SH3YL1: variants seen among roughly 807,000 people sequenced by gnomAD.
The protein encoded by SH3YL1 is SH3 domain-containing YSC84-like protein 1.
A neutral mutation model predicts 45.8 loss-of-function variants in SH3YL1; 41 were observed. The ratio of observed to expected loss-of-function variants is 0.89; its 90% CI spans 0.70 to 1.16. The LOEUF is 1.16. SH3YL1 is among the 50% of genes most tolerant of loss of function. The probability of loss-of-function intolerance (pLI) is 0.00; values close to 1 mark genes in which losing one functional copy is unlikely to be tolerated. For synonymous variants in SH3YL1, 152 were observed against 151.4 expected, an observed-to-expected ratio of 1.00 and a Z score of -0.03; for missense variants, 389 against 409.6, an observed-to-expected ratio of 0.95 and a Z score of 0.43.
At chr2:246,126 T>C (rs916201345) in intron 4 of SH3YL1, among the ~76,000 whole-genome samples, 1 of 149,874 alleles carries the variant, frequency 6.7e-6, no homozygotes, top group African/African-American at 2.5e-5. Flanking sequence ...AACTGGGAGG[T>C]GGAGGTTGCA....
chr2:227,242 T>C (rs1558234598), intron 8 of SH3YL1, among the ~76,000 whole-genome samples: 1 of 152,096 alleles, frequency 6.6e-6, no homozygotes, highest in African/African-American at 2.4e-5. Context: ...AGTAAAAACT[T>C]TTGAAAAGTA....
At chr2:249,624 G>T in intron 3 of SH3YL1, 107 bp downstream of exon 3, 1 of 790,938 alleles carries the variant, frequency 1.3e-6, no homozygotes, top group Non-Finnish European at 2.1e-6. Flanking sequence ...ATAAGTTTTA[G>T]TTGATATGCA....
At chr2:251,104 A>G (rs1355614673) in intron 2 of SH3YL1, among the ~76,000 whole-genome samples, 2 of 152,318 alleles carry the variant, frequency 1.3e-5, no homozygotes, top group Admixed American at 6.5e-5. Flanking sequence ...CATATTCCAC[A>G]TGTCAATTAT....
rs1334799920 is a variant in SH3YL1, at chr2:231,102, T to A, written c.623A>T (p.Asp208Val). ...ATTTTCATACTTTTCAGTAAAGGAA[T>A]CAAGAATTTCATAAAGATCTTCGGC... ...AQAEDLYEIL[D>V]SFTEKYENEG... The change falls in exon 7 of 10, where the codon GAT (aspartate) becomes GTT (valine). Residue 208 changes from aspartate (D) to valine (V), a missense_variant. By Grantham distance (152) the Asp-to-Val change is radical. Coordinates refer to ENST00000356150, the MANE Select transcript of SH3YL1 (RefSeq NM_015677.4). 1 of 1,614,120 alleles carries A rather than the reference T, an allele frequency of 6.2e-7. No individual in the cohort carries two copies. The highest frequency in any genetic ancestry group is 8.5e-7 in the Non-Finnish European group (1 of 1,179,992).
chr2:218,410 C>T lies in SH3YL1; in HGVS notation c.*401G>A, dbSNP rs1667437712. 6.3e-6 allele frequency: 1 copy of T among 159,512 alleles called. No individual in the cohort carries two copies. Among genetic ancestry groups the T allele is most frequent in the African/African-American group, 2.4e-5 (1 of 41,692 alleles). 9.9% of individuals were successfully genotyped at this position (159,512 alleles called of 1,614,324 possible). ...CGACTCTAAACATTACTTAATACCT[C>T]ATTTAAGCTGATTTCTTTTTCTCTA... On this transcript the variant is annotated 3_prime_UTR_variant, in exon 10 of 10. Transcript: ENST00000356150.
intron 1 of SH3YL1, chr2:260,555 T>G (rs972397223): frequency 3.3e-5 from 5 of 152,170 alleles, no homozygotes; most frequent in African/African-American, 1.2e-4. Flanking sequence ...CTGTGGGATT[T>G]TTGTCTCCAC....
intron 9 of SH3YL1, among the ~76,000 whole-genome samples, chr2:220,828 CCAG>C (rs1181978496): frequency 6.6e-6 from 1 of 152,198 alleles, no homozygotes. Flanking sequence ...CTCTTGTCTC[CCAG>C]ACACGTTAGA....
intron 4 of SH3YL1, among the ~76,000 whole-genome samples, chr2:243,805 G>A (rs976132259): frequency 6.6e-6 from 1 of 152,026 alleles, no homozygotes; most frequent in African/African-American, 2.4e-5. Context: ...TGTGATCTTA[G>A]GTAAGACACT....
At position 233,109 on chromosome 2, in the gene SH3YL1, A is replaced by G; in HGVS notation, c.525T>C (p.Thr175=). The G allele has an allele frequency of 6.4e-7, 1 of 1,566,810 alleles. No homozygotes were observed. The highest frequency in any genetic ancestry group is 8.7e-7 in the Non-Finnish European group (1 of 1,155,620). Residue 175 remains threonine, a synonymous_variant, in exon 6 of 10, where the codon ACT becomes ACC. Coordinates refer to ENST00000356150, the MANE Select transcript of SH3YL1 (RefSeq NM_015677.4). ...EGSCLIERKE[T]NRKFYCQDIR... is the part of the protein sequence containing the mutation. ...CTTTAACTTGAACTGACTTTCTATT[A>G]GTTTCTTTCCTTTCAATCAAACAGC...
chr2:226,409 A>C (rs1428327368), intron 8 of SH3YL1, among the ~76,000 whole-genome samples: 2 of 152,236 alleles, frequency 1.3e-5, no homozygotes, highest in African/African-American at 2.4e-5. Context: ...GATAAGATTA[A>C]ATCCAAAACA....
At position 253,024 on chromosome 2, in the gene SH3YL1, T is replaced by A; in HGVS notation, c.93A>T (p.Gly31=). The change falls in exon 2 of 10, where the codon GGA becomes GGT. Residue 31 remains glycine, a synonymous_variant. Coordinates refer to ENST00000356150, the MANE Select transcript of SH3YL1 (RefSeq NM_015677.4). ...REFTEITSRN[G]PDKIIPAHVI... is the part of the protein sequence containing the mutation. Reference sequence around the variant, plus strand: ...ACCTACCAGGAATGATCTTATCAGGTCCATTTCTGGAAGTTATTTCTGTGA... The same window carrying A: ...ACCTACCAGGAATGATCTTATCAGGACCATTTCTGGAAGTTATTTCTGTGA... The A allele has an allele frequency of 6.5e-7, 1 of 1,543,358 alleles. No individual in the cohort carries two copies. The highest frequency in any genetic ancestry group is 1.2e-5 in the South Asian group (1 of 83,510).
At chr2:259,050 G>C (rs556854701) in intron 1 of SH3YL1, among the ~76,000 whole-genome samples, 1 of 152,264 alleles carries the variant, frequency 6.6e-6, no homozygotes, top group South Asian at 2.1e-4. Flanking sequence ...CCCCCTCCTT[G>C]TCCTGCAGTT....
chr2:250,804 C>T (rs1401543575), intron 2 of SH3YL1, among the ~76,000 whole-genome samples: 1 of 152,130 alleles, frequency 6.6e-6, no homozygotes, highest in African/African-American at 2.4e-5. Flanking sequence ...CATCCAACAC[C>T]ATGAAGTTTG....
At chr2:221,563 T>C (rs907663515) in intron 9 of SH3YL1, among the ~76,000 whole-genome samples, 7 of 151,960 alleles carry the variant, frequency 4.6e-5, no homozygotes, top group African/African-American at 7.3e-5. Flanking sequence ...GAGAGGAGGG[T>C]AGAGGAGCAA....
At chr2:260,100 C>T (rs543035667) in intron 1 of SH3YL1, 3 of 152,252 alleles carry the variant, frequency 2.0e-5, no homozygotes, top group East Asian at 3.9e-4. Context: ...CTACTGTCTG[C>T]ATTTTGATGT....
intron 1 of SH3YL1, 50 bp downstream of exon 1, chr2:263,934 C>T (rs1272173602): frequency 1.4e-6 from 2 of 1,441,420 alleles, no homozygotes; most frequent in Non-Finnish European, 1.9e-6. Context: ...CACCGCCCAG[C>T]TCTTGAGAGG....
At chr2:220,166 G>A (rs992479408) in intron 9 of SH3YL1, among the ~76,000 whole-genome samples, 1 of 142,478 alleles carries the variant, frequency 7.0e-6, no homozygotes, top group East Asian at 2.0e-4. Context: ...TCTAGAGCCA[G>A]GTCCTATTTG....
chr2:247,657 A>T, intron 3 of SH3YL1, 55 bp from the exon 4 acceptor site: 3 of 1,382,518 alleles, frequency 2.2e-6, no homozygotes, highest in Non-Finnish European at 3.0e-6. Context: ...TCGACATGTA[A>T]ATATAGGAAG....
rs1207264064 is a variant in SH3YL1, at chr2:242,894, T to C, written c.291+4644A>G. 7.0e-6 allele frequency: 10 copies of C among 1,429,458 alleles called. No homozygotes were observed. In the East Asian group the frequency reaches 2.7e-4, roughly 38 times the overall value. 88.5% of individuals were successfully genotyped at this position (1,429,458 alleles called of 1,614,324 possible). A position where few individuals can be genotyped will look rare whatever the true frequency, so the allele number is the denominator to read the frequency against. On this transcript the variant is annotated intron_variant, in intron 4 of 9. Transcript: ENST00000356150. ...ACTCTTTATATCAAACAACAAAAAA[T>C]GTAATTAGGATTAAACAGGGACATA...
Sources: allele counts gnomAD v4.1 joint callset (sites outside exome capture counted in the v4.1 genomes callset), GRCh38; gene constraint gnomAD v4.1.1; transcripts MANE v1.5; gene names NCBI Gene and HGNC (gene_info 2026-07-23, HGNC 2026-07-21).